The following SCN11A variants were observed in gnomAD, a reference collection of about 807,000 sequenced individuals.
SCN11A encodes the protein sodium voltage-gated channel alpha subunit 11, also known as sodium channel protein type 11 subunit alpha.
In SCN11A, 122 loss-of-function variants were observed where a neutral mutation model predicts 162.2. The observed-to-expected ratio is 0.75, with a 90% confidence interval of 0.65 to 0.87. The LOEUF is 0.87. Among genes scored for constraint, SCN11A ranks in the 40% least tolerant of loss-of-function variants. SCN11A has a pLI of 0.00. For missense variants in SCN11A, 2,015 were observed against 2,181.6 expected (o/e 0.92, Z 1.52); for synonymous variants, 758 against 751.5 (o/e 1.01, Z -0.14).
chr3:38,901,533 T>C (rs938154983), intron 16 of SCN11A, among the ~76,000 whole-genome samples: 19 of 152,218 alleles, frequency 1.2e-4, no homozygotes, highest in African/African-American at 4.6e-4. Context: ...CCAACTTTTC[T>C]TTATGGCTTC....
chr3:38,850,846 T>C, intron 28 of SCN11A, 95 bp from the exon 29 acceptor site: 1 of 1,098,992 alleles, frequency 9.1e-7, no homozygotes. Flanking sequence ...TGTTTTTCCT[T>C]ACAATTAAAG....
intron 23 of SCN11A, among the ~76,000 whole-genome samples, chr3:38,879,275 C>T (rs2065270161): frequency 6.6e-6 from 1 of 152,132 alleles, no homozygotes; most frequent in Non-Finnish European, 1.5e-5. Context: ...GCATTTGGAG[C>T]ATATGGAAGA....
At chr3:39,023,567 A>G (rs2031508571) in intron 2 of SCN11A, among the ~76,000 whole-genome samples, 1 of 152,142 alleles carries the variant, frequency 6.6e-6, no homozygotes, top group South Asian at 2.1e-4. Flanking sequence ...GCTTATGGCA[A>G]AAGCAAAGAA....
rs1256982674 is a variant in SCN11A at position 38,846,708 on chromosome 3, C to T, written c.5362G>A (p.Val1788Ile). Residue 1788 changes from valine (V) to isoleucine (I), a missense_variant, in exon 30 of 30, where the codon GTC becomes ATC. By Grantham distance (29) the Val-to-Ile change is conservative. Transcript: ENST00000302328. ...GAGGTGAGGGCTCAGTCACAGTGGA[C>T]CTTGCCCTTGGCCACCCCAAAGCTA... ...LSSFGVAKGK[V>I]HCD The T allele has an allele frequency of 6.2e-7, 1 of 1,613,942 alleles. No homozygotes were observed. Among genetic ancestry groups the T allele is most frequent in the South Asian group, 1.1e-5 (1 of 91,060 alleles).
intron 2 of SCN11A, among the ~76,000 whole-genome samples, chr3:38,979,977 G>T (rs1004831948): frequency 2.0e-5 from 3 of 152,170 alleles, no homozygotes; most frequent in African/African-American, 7.2e-5. Context: ...GCCGCTTGTT[G>T]TTCTGTGGTC....
At chr3:39,000,352 A>C (rs1034758707) in intron 2 of SCN11A, among the ~76,000 whole-genome samples, 1 of 152,164 alleles carries the variant, frequency 6.6e-6, no homozygotes, top group East Asian at 1.9e-4. Flanking sequence ...TCCTCAAGGT[A>C]TGCATGATGA....
At chr3:38,914,171 A>G (rs2065925915) in intron 11 of SCN11A, among the ~76,000 whole-genome samples, 1 of 152,074 alleles carries the variant, frequency 6.6e-6, no homozygotes, top group Non-Finnish European at 1.5e-5. Flanking sequence ...AATTTCTTTG[A>G]GCAGCATTTT....
chr3:39,018,604 G>A (rs2031359743), intron 2 of SCN11A, among the ~76,000 whole-genome samples: 1 of 152,124 alleles, frequency 6.6e-6, no homozygotes, highest in Non-Finnish European at 1.5e-5. Flanking sequence ...GGATCATGAG[G>A]TCAGGAGATC....
intron 2 of SCN11A, among the ~76,000 whole-genome samples, chr3:38,996,350 A>G (rs868188314): frequency 6.6e-6 from 1 of 152,124 alleles, no homozygotes; most frequent in Admixed American, 6.5e-5. Flanking sequence ...AGGTATTTCA[A>G]TCTGCTTGAA....
rs552042335 is a variant in SCN11A at position 38,948,758 on chromosome 3, G to A, written c.267+1338C>T. Among the ~76,000 whole-genome samples the A allele has an allele frequency of 2.6e-5, 4 of 152,108 alleles. No individual in the cohort carries two copies. The East Asian group carries it at 7.7e-4, about 29-fold the overall frequency. The stretch of plus-strand genomic sequence containing the variant: ...GTGGTGGTCCTAGAATTACCACCCA[G>A]GCTGGAATAGTCCTGTTCTCCCGGA... On this transcript the variant is annotated intron_variant, in intron 5 of 29. Transcript: ENST00000302328.
intron 29 of SCN11A, chr3:38,849,150 C>T (rs977723858): frequency 2.0e-5 from 3 of 151,470 alleles, no homozygotes; most frequent in Admixed American, 6.6e-5. Context: ...CCTGGCACTG[C>T]ATGGAAGGAG....
At position 38,904,051 on chromosome 3, in the gene SCN11A, G is replaced by A; in HGVS notation, c.1656C>T (p.Ser552=). 1.2e-6 allele frequency: 2 copies of A among 1,602,352 alleles called. No individual in the cohort carries two copies. The highest frequency in any genetic ancestry group is 1.3e-5 in the African/African-American group (1 of 74,334). ...GGCAACAGTTCCACACGAGGTACTT[G>A]GATGCCAGGTTTTCTCCACAAGGGA... ...PCLPCGENLA[S]KYLVWNCCPQ... The change falls in exon 16 of 30, where the codon TCC becomes TCT. Residue 552 remains serine (S), a synonymous_variant. Coordinates refer to ENST00000302328, the MANE Select transcript of SCN11A (RefSeq NM_001349253.2).
chr3:39,034,415 A>C (rs537366524), intron 1 of SCN11A, among the ~76,000 whole-genome samples: 2 of 152,190 alleles, frequency 1.3e-5, no homozygotes, highest in African/African-American at 4.8e-5. Flanking sequence ...CTTCATGATA[A>C]AAAAAAATCC....
At chr3:38,921,396 T>C in intron 9 of SCN11A, 141 bp from the exon 10 acceptor site, 1 of 735,264 alleles carries the variant, frequency 1.4e-6, no homozygotes, top group Non-Finnish European at 2.2e-6. Flanking sequence ...ATGATTCTGA[T>C]GCCTTGAGTT....
chr3:38,872,149 T>A (rs2065137626), intron 24 of SCN11A, 44 bp downstream of exon 24: 1 of 1,152,954 alleles, frequency 8.7e-7, no homozygotes, highest in East Asian at 2.3e-5. Context: ...CTTTCCACCT[T>A]TCTCTGTTAA....
chr3:39,002,729 A>G (rs1388619230), intron 2 of SCN11A, among the ~76,000 whole-genome samples: 1 of 152,232 alleles, frequency 6.6e-6, no homozygotes, highest in African/African-American at 2.4e-5. Flanking sequence ...AGTAGAAGTC[A>G]TAGTATGTTG....
chr3:38,932,982 G>A (rs2066269068), intron 7 of SCN11A, among the ~76,000 whole-genome samples: 1 of 152,214 alleles, frequency 6.6e-6, no homozygotes, highest in Non-Finnish European at 1.5e-5. Flanking sequence ...CCCAGTAGGG[G>A]CAGACTGACA....
chr3:38,996,529 C>T (rs992235508), intron 2 of SCN11A, among the ~76,000 whole-genome samples: 6 of 152,158 alleles, frequency 3.9e-5, no homozygotes, highest in African/African-American at 1.4e-4. Context: ...CCCCAGTTAT[C>T]TTGGCAGTGT....
chr3:38,911,986 G>A (rs2065892718), intron 11 of SCN11A, among the ~76,000 whole-genome samples: 1 of 152,172 alleles, frequency 6.6e-6, no homozygotes, highest in South Asian at 2.1e-4. Context: ...CTGTTCATGT[G>A]TTTTAATCAG....
Sources: gnomAD v4.1 joint callset for allele counts (sites outside exome capture counted in the v4.1 genomes callset) on GRCh38, gnomAD v4.1.1 for gene constraint, MANE v1.5 for transcripts, NCBI Gene and HGNC (gene_info 2026-07-23, HGNC 2026-07-21) for gene names.